CABCOCO1: variants seen among roughly 807,000 people sequenced by gnomAD.
CABCOCO1 encodes the protein ciliary-associated calcium-binding coiled-coil protein 1.
Under a neutral mutation model 35.7 loss-of-function variants are expected in CABCOCO1, and 28 were observed. The observed-to-expected ratio is 0.78, with a 90% CI of 0.58 to 1.07. CABCOCO1 has a LOEUF of 1.07. Among genes scored for constraint, CABCOCO1 ranks in the 50% least tolerant of loss-of-function variants. CABCOCO1 has a pLI of 0.00. For missense variants in CABCOCO1, 326 were observed against 309.2 expected (o/e 1.05, Z -0.41); for synonymous variants, 95 against 100.1 (o/e 0.95, Z 0.30).
Position 61,723,037 on chromosome 10 carries a change from G to A in CABCOCO1, c.552+32416G>A, listed in dbSNP as rs181115957. Among the ~76,000 whole-genome samples the A allele has an allele frequency of 2.3e-4, 35 of 152,214 alleles. No individual in the cohort carries two copies. The East Asian group carries it at 4.6e-3, about 20-fold the overall frequency. On this transcript the variant is annotated intron_variant, in intron 5 of 7. Transcript: ENST00000648843. ...ATGATTCAAATCCTGTCAAAAGTAC[G>A]CTAAAAGGGAAAATTACAATCAATT... is the stretch of plus-strand genomic sequence containing the variant.
Position 61,726,345 on chromosome 10 carries a change from G to A in CABCOCO1, c.553-33714G>A, listed in dbSNP as rs1424178671. ...AACTTGTGCATATTCACAGGATATTGACATAACAAAATTACAAAATACCTG... is the reference window on the plus strand; with the variant it reads ...AACTTGTGCATATTCACAGGATATTAACATAACAAAATTACAAAATACCTG... On this transcript the variant is annotated intron_variant, in intron 5 of 7. Coordinates refer to ENST00000648843, the MANE Select transcript of CABCOCO1 (RefSeq NM_001366906.2). 3.9e-5 allele frequency among the ~76,000 whole-genome samples: 6 copies of A among 152,080 alleles called. No homozygotes were observed. In the East Asian group the frequency reaches 1.2e-3, roughly 29 times the overall value.
At chr10:61,744,268 G>C (rs1841610058) in intron 5 of CABCOCO1, among the ~76,000 whole-genome samples, 1 of 152,086 alleles carries the variant, frequency 6.6e-6, no homozygotes, top group Non-Finnish European at 1.5e-5. Context: ...AATAAATCCT[G>C]AATTGAATTG....
At chr10:61,666,970 AT>A (rs113415000) in intron 1 of CABCOCO1, among the ~76,000 whole-genome samples, 2,420 of 141,308 alleles carry the variant, frequency 0.017, 86 homozygotes, top group African/African-American at 0.059. Flanking sequence ...ATAATTATAT[AT>A]TATATATAAA....
Position 61,719,664 on chromosome 10 carries a change from G to C in CABCOCO1, c.552+29043G>C, listed in dbSNP as rs150592156. On this transcript the variant is annotated intron_variant, in intron 5 of 7. Transcript: ENST00000648843. ...CGGGCCGGCGCAGTGGCTCATGCCT[G>C]TAATCCCACCACTTTGGGAGGCCGA... is the stretch of plus-strand genomic sequence containing the variant. 5.0e-3 allele frequency among the ~76,000 whole-genome samples: 755 copies of C among 152,246 alleles called. 4 individuals are homozygous for C. Among genetic ancestry groups the C allele is most frequent in the African/African-American group, 0.017 (693 of 41,544 alleles).
intron 5 of CABCOCO1, among the ~76,000 whole-genome samples, chr10:61,757,777 A>G (rs1336805140): frequency 1.3e-5 from 2 of 152,002 alleles, no homozygotes; most frequent in African/African-American, 4.8e-5. Flanking sequence ...GATGAGCCTT[A>G]TAAAGAAATC....
chr10:61,682,113 AC>A (rs1839810019), intron 3 of CABCOCO1, among the ~76,000 whole-genome samples: 1 of 152,152 alleles, frequency 6.6e-6, no homozygotes, highest in African/African-American at 2.4e-5. Context: ...ATTTTCATGG[AC>A]CTCACATCCC....
At chr10:61,690,690 C>G in intron 5 of CABCOCO1, 69 bp downstream of exon 5, 2 of 988,352 alleles carry the variant, frequency 2.0e-6, no homozygotes, top group Non-Finnish European at 3.1e-6. Flanking sequence ...GCATCTGGAT[C>G]TTTAACTGCT....
At position 61,753,073 on chromosome 10, in the gene CABCOCO1, C is replaced by A. The variant is rs565657752; in HGVS notation, c.553-6986C>A. ...AATTTATTATCTCATATGATTTCTG[C>A]AAATTATCGGTACTTATTCAAAAAG... is the stretch of plus-strand genomic sequence containing the variant. On this transcript the variant is annotated intron_variant, in intron 5 of 7. Transcript: ENST00000648843. 1.1e-4 allele frequency among the ~76,000 whole-genome samples: 16 copies of A among 152,176 alleles called. No homozygotes were observed. The South Asian group carries it at 2.9e-3, about 28-fold the overall frequency.
intron 4 of CABCOCO1, among the ~76,000 whole-genome samples, chr10:61,688,033 C>T (rs1840018186): frequency 6.6e-6 from 1 of 152,036 alleles, no homozygotes; most frequent in South Asian, 2.1e-4. Context: ...GGGGCAGCAT[C>T]AAGAAGAATA....
intron 5 of CABCOCO1, among the ~76,000 whole-genome samples, chr10:61,691,485 ATTTTG>A (rs1032763640): frequency 4.6e-5 from 7 of 151,958 alleles, no homozygotes; most frequent in African/African-American, 9.7e-5. Flanking sequence ...TTTTTACTTT[ATTTTG>A]TTTTATTTTA....
intron 5 of CABCOCO1, among the ~76,000 whole-genome samples, chr10:61,700,949 G>GTATACA (rs1840440971): frequency 6.6e-6 from 1 of 151,578 alleles, no homozygotes; most frequent in South Asian, 2.1e-4. Flanking sequence ...ATACATACAT[G>GTATACA]TATACATATA....
At chr10:61,741,492 A>C (rs1462690394) in intron 5 of CABCOCO1, among the ~76,000 whole-genome samples, 1 of 152,188 alleles carries the variant, frequency 6.6e-6, no homozygotes, top group Admixed American at 6.5e-5. Context: ...AAGAAGCTTA[A>C]ATCTTTTAGC....
At chr10:61,754,611 C>T (rs557339580) in intron 5 of CABCOCO1, among the ~76,000 whole-genome samples, 10 of 152,108 alleles carry the variant, frequency 6.6e-5, no homozygotes, top group East Asian at 3.9e-4. Context: ...GAAGCCCAAG[C>T]GAAACAAGAT....
chr10:61,721,006 A>G (rs1439999216), intron 5 of CABCOCO1, among the ~76,000 whole-genome samples: 3 of 131,802 alleles, frequency 2.3e-5, no homozygotes, highest in Non-Finnish European at 4.8e-5. Context: ...TTAACTGCAA[A>G]CTCCGCCTCC....
chr10:61,722,518 A>G (rs1276106629), intron 5 of CABCOCO1, among the ~76,000 whole-genome samples: 2 of 152,182 alleles, frequency 1.3e-5, no homozygotes, highest in African/African-American at 4.8e-5. Flanking sequence ...GAAACAATAA[A>G]AAAAGAATAA....
chr10:61,668,783 C>T (rs572063701), intron 1 of CABCOCO1, among the ~76,000 whole-genome samples: 2 of 151,608 alleles, frequency 1.3e-5, no homozygotes, highest in East Asian at 1.9e-4. Context: ...GTGAACGAGG[C>T]ACTCTCCTTG....
chr10:61,683,881 C>A (rs1839875003), intron 3 of CABCOCO1, among the ~76,000 whole-genome samples: 1 of 152,024 alleles, frequency 6.6e-6, no homozygotes, highest in African/African-American at 2.4e-5. Context: ...TTTAAAGATT[C>A]AACTATTTTC....
intron 5 of CABCOCO1, among the ~76,000 whole-genome samples, chr10:61,724,485 A>T (rs1182612545): frequency 6.6e-6 from 1 of 152,230 alleles, no homozygotes; most frequent in Non-Finnish European, 1.5e-5. Context: ...CTTTATCTTA[A>T]TATCTGATAA....
intron 2 of CABCOCO1, among the ~76,000 whole-genome samples, chr10:61,680,718 A>G (rs1438026578): frequency 4.8e-5 from 5 of 103,726 alleles, no homozygotes; most frequent in Non-Finnish European, 7.5e-5. Flanking sequence ...CATGTATAAC[A>G]TATATATTAT....
Sources: allele counts gnomAD v4.1 joint callset (sites outside exome capture counted in the v4.1 genomes callset), GRCh38; gene constraint gnomAD v4.1.1; transcripts MANE v1.5; gene names NCBI Gene and HGNC (gene_info 2026-07-23, HGNC 2026-07-21).